Variants in ATG7 observed in about 807,000 individuals in gnomAD.
The protein encoded by ATG7 is ubiquitin-like modifier-activating enzyme ATG7.
A neutral mutation model predicts 82.4 loss-of-function variants in ATG7; 70 were observed. The ratio of observed to expected loss-of-function variants is 0.85; its 90% CI spans 0.70 to 1.04. The LOEUF is 1.04. Ranked by LOEUF, ATG7 falls within the 50% of genes least tolerant of loss-of-function variation. The pLI is 0.00. For synonymous variants in ATG7, 287 were observed against 313.0 expected (o/e 0.92, Z 0.88); for missense variants, 792 against 864.3 (o/e 0.92, Z 1.05).
At chr3:11,436,728 G>C (rs910341730) in intron 20 of ATG7, among the ~76,000 whole-genome samples, 6 of 152,160 alleles carry the variant, frequency 3.9e-5, no homozygotes, top group African/African-American at 1.4e-4. Flanking sequence ...GGAGTATTCA[G>C]CAATAATAAG....
At chr3:11,298,340 A>G (rs1476537652) in intron 3 of ATG7, among the ~76,000 whole-genome samples, 2 of 152,214 alleles carry the variant, frequency 1.3e-5, no homozygotes, top group Non-Finnish European at 2.9e-5. Context: ...GTATAGACAG[A>G]AAGTAGAATG....
At chr3:11,404,296 C>T (rs1023692482) in intron 19 of ATG7, among the ~76,000 whole-genome samples, 19 of 151,726 alleles carry the variant, frequency 1.3e-4, no homozygotes, top group East Asian at 5.8e-4. Flanking sequence ...CCACCATGCC[C>T]GACTAATTTT....
chr3:11,489,962 G>T (rs1225247695), intron 20 of ATG7, among the ~76,000 whole-genome samples: 1 of 151,812 alleles, frequency 6.6e-6, no homozygotes, highest in Non-Finnish European at 1.5e-5. Flanking sequence ...TATTGATTTG[G>T]GGTGGAGAGT....
rs112057570 is a variant in ATG7 at position 11,439,999 on chromosome 3, A to G, written c.2079+13073A>G. 4.1e-3 allele frequency among the ~76,000 whole-genome samples: 617 copies of G among 152,328 alleles called. 5 individuals carry two copies. The highest frequency in any genetic ancestry group is 0.014 in the African/African-American group (575 of 41,574). On this transcript the variant is annotated intron_variant, in intron 20 of 20. Coordinates refer to ENST00000693202, the MANE Select transcript of ATG7 (RefSeq NM_001349232.2). ...CATCTTGAGGTTTACAGTACACTTC[A>G]TAAGGCTGGAATCAGAGAGGAAGAA... is the stretch of plus-strand genomic sequence containing the variant.
At chr3:11,423,297 A>C (rs2082088718) in intron 19 of ATG7, among the ~76,000 whole-genome samples, 1 of 152,212 alleles carries the variant, frequency 6.6e-6, no homozygotes, top group African/African-American at 2.4e-5. Flanking sequence ...AACAATTACA[A>C]TAGTAACATC....
At position 11,556,755 on chromosome 3, in the gene ATG7, G is replaced by A. The variant is rs1575328522; in HGVS notation, c.*1912G>A. On this transcript the variant is annotated 3_prime_UTR_variant, in exon 21 of 21. Transcript: ENST00000693202. ...GTACATTCTTTACGCACAGCGTAAC[G>A]ATGGTCTCAAAATCACCCATATAGA... 1.3e-5 allele frequency: 2 copies of A among 152,582 alleles called. No individual in the cohort carries two copies. The highest frequency in any genetic ancestry group is 1.9e-4 in the East Asian group (1 of 5,338). The allele number at this position is 152,582 out of a possible 1,614,324, so 9.5% of individuals were successfully genotyped here.
intron 16 of ATG7, 58 bp downstream of exon 16, chr3:11,360,842 C>A: frequency 6.4e-7 from 1 of 1,556,552 alleles, no homozygotes; most frequent in Non-Finnish European, 8.8e-7. Flanking sequence ...TACACTGAGG[C>A]AGACCGACTT....
At chr3:11,386,577 G>A (rs749489276) in intron 19 of ATG7, among the ~76,000 whole-genome samples, 20 of 152,098 alleles carry the variant, frequency 1.3e-4, no homozygotes, top group Non-Finnish European at 2.6e-4. Context: ...AGGAATCTTT[G>A]CATACAGCTT....
At chr3:11,544,862 T>C (rs2071139876) in intron 20 of ATG7, among the ~76,000 whole-genome samples, 1 of 152,120 alleles carries the variant, frequency 6.6e-6, no homozygotes, top group African/African-American at 2.4e-5. Context: ...GGGGATACAG[T>C]GGTGACCAGA....
At chr3:11,443,908 ACT>A (rs1324633647) in intron 20 of ATG7, among the ~76,000 whole-genome samples, 1 of 152,050 alleles carries the variant, frequency 6.6e-6, no homozygotes, top group Non-Finnish European at 1.5e-5. Flanking sequence ...GTCAAAAAAT[ACT>A]CTCGTTGCCC....
chr3:11,446,681 T>A, intron 20 of ATG7: 1 of 237,248 alleles, frequency 4.2e-6, no homozygotes, highest in Non-Finnish European at 8.5e-6. Flanking sequence ...ACTTTTGACT[T>A]CTTCCTGTAA....
At chr3:11,417,800 A>AT (rs1314378737) in intron 19 of ATG7, among the ~76,000 whole-genome samples, 90 of 109,318 alleles carry the variant, frequency 8.2e-4, no homozygotes, top group African/African-American at 1.8e-3. Context: ...TATTATTATT[A>AT]TTTTATTTTA....
intron 20 of ATG7, among the ~76,000 whole-genome samples, chr3:11,433,433 A>C (rs2083091330): frequency 6.6e-6 from 1 of 152,160 alleles, no homozygotes; most frequent in South Asian, 2.1e-4. Context: ...TATGAGTAGA[A>C]TAAGTATCAG....
At chr3:11,513,124 C>T (rs1248723140) in intron 20 of ATG7, among the ~76,000 whole-genome samples, 1 of 152,204 alleles carries the variant, frequency 6.6e-6, no homozygotes, top group East Asian at 1.9e-4. Flanking sequence ...TTACAATCCC[C>T]TAGCTAGACA....
intron 15 of ATG7, among the ~76,000 whole-genome samples, chr3:11,359,578 C>T (rs2076156076): frequency 6.6e-6 from 1 of 151,904 alleles, no homozygotes; most frequent in Non-Finnish European, 1.5e-5. Context: ...CACCCGTGCT[C>T]CCAGCTACTC....
intron 20 of ATG7, among the ~76,000 whole-genome samples, chr3:11,505,513 A>G (rs576317801): frequency 1.3e-5 from 2 of 152,170 alleles, no homozygotes. Context: ...TCTCAAAGAG[A>G]GGAAAATGAG....
At chr3:11,511,193 C>G (rs550517394) in intron 20 of ATG7, among the ~76,000 whole-genome samples, 1 of 152,194 alleles carries the variant, frequency 6.6e-6, no homozygotes, top group Non-Finnish European at 1.5e-5. Flanking sequence ...GTTGCCAATG[C>G]TGGCTCAGGC....
intron 20 of ATG7, among the ~76,000 whole-genome samples, chr3:11,535,669 G>A (rs1442453244): frequency 1.3e-5 from 2 of 152,064 alleles, no homozygotes; most frequent in East Asian, 1.9e-4. Context: ...AGGAGGGCTC[G>A]GCCCTCTCTC....
intron 1 of ATG7, chr3:11,277,291 T>C (rs1292245638): frequency 6.6e-6 from 1 of 152,302 alleles, no homozygotes; most frequent in East Asian, 1.9e-4. Flanking sequence ...TGCATAGCTT[T>C]TCACATAAGG....
Sources: allele counts gnomAD v4.1 joint callset (sites outside exome capture counted in the v4.1 genomes callset), GRCh38; gene constraint gnomAD v4.1.1; transcripts MANE v1.5; gene names NCBI Gene and HGNC (gene_info 2026-07-23, HGNC 2026-07-21).